ERC2: variants seen among roughly 807,000 people sequenced by gnomAD.
The protein encoded by ERC2 is ERC protein 2.
A neutral mutation model predicts 114.8 loss-of-function variants in ERC2; 42 were observed. The ratio of observed to expected loss-of-function variants is 0.37; its 90% CI spans 0.29 to 0.47. The LOEUF is 0.47. ERC2 is among the 20% of genes least tolerant of loss of function. ERC2 has a pLI of 0.99. For synonymous variants in ERC2, 454 were observed against 425.5 expected, an observed-to-expected ratio of 1.07 and a Z score of -0.82; for missense variants, 939 against 1,150.7, an observed-to-expected ratio of 0.82 and a Z score of 2.66.
chr3:55,630,968 A>G (rs576325052), intron 17 of ERC2, among the ~76,000 whole-genome samples: 3 of 151,648 alleles, frequency 2.0e-5, no homozygotes, highest in African/African-American at 7.3e-5. Flanking sequence ...AAAAAAAAAT[A>G]GATGGAAAGA....
chr3:56,123,007 A>G lies in ERC2; in HGVS notation c.1473+16502T>C, dbSNP rs2079666215. Among the ~76,000 whole-genome samples, 3 of 152,160 alleles carry G rather than the reference A, an allele frequency of 2.0e-5. No individual in the cohort carries two copies. The South Asian group carries it at 6.2e-4, about 32-fold the overall frequency. The stretch of plus-strand genomic sequence containing the variant: ...CAAAGCATAGTTGATGAACTTATCT[A>G]CCATTCAATACACATCTCTTATCTC... On this transcript the variant is annotated intron_variant, in intron 6 of 17. Coordinates refer to ENST00000288221, the MANE Select transcript of ERC2 (RefSeq NM_015576.3).
intron 17 of ERC2, among the ~76,000 whole-genome samples, chr3:55,532,265 G>T (rs1299474038): frequency 6.6e-6 from 1 of 152,192 alleles, no homozygotes; most frequent in Non-Finnish European, 1.5e-5. Flanking sequence ...GGGTTGAGCT[G>T]CTCAACGTTT....
intron 3 of ERC2, among the ~76,000 whole-genome samples, chr3:56,207,393 T>C (rs2048806247): frequency 1.3e-5 from 2 of 152,108 alleles, no homozygotes; most frequent in African/African-American, 4.8e-5. Context: ...TACCCATATA[T>C]TTATTTATTT....
chr3:55,663,618 C>A (rs993750134), intron 17 of ERC2, among the ~76,000 whole-genome samples: 2 of 152,196 alleles, frequency 1.3e-5, no homozygotes, highest in Non-Finnish European at 2.9e-5. Flanking sequence ...GTGGCCCCTT[C>A]CTTTCGGAGG....
chr3:55,673,722 C>T (rs960316289), intron 17 of ERC2, among the ~76,000 whole-genome samples: 1 of 151,842 alleles, frequency 6.6e-6, no homozygotes, highest in South Asian at 2.1e-4. Context: ...CAACACAAAA[C>T]AGCAGCCAGA....
intron 17 of ERC2, among the ~76,000 whole-genome samples, chr3:55,592,585 C>A (rs1478932062): frequency 6.6e-6 from 1 of 152,182 alleles, no homozygotes; most frequent in East Asian, 1.9e-4. Context: ...TTTTTCATCT[C>A]TCTTTGTCTT....
At chr3:56,356,230 G>A (rs1319407547) in intron 2 of ERC2, among the ~76,000 whole-genome samples, 1 of 152,094 alleles carries the variant, frequency 6.6e-6, no homozygotes, top group African/African-American at 2.4e-5. Context: ...GTTGTTTTTT[G>A]AAATGAAAAA....
chr3:56,281,162 G>T (rs1177859476), intron 3 of ERC2, among the ~76,000 whole-genome samples: 1 of 152,168 alleles, frequency 6.6e-6, no homozygotes, highest in Non-Finnish European at 1.5e-5. Flanking sequence ...GACAGGCCGG[G>T]CACGGTGGCT....
rs191911944 is a variant in ERC2 at position 55,608,536 on chromosome 3, C to G, written c.*39+75258G>C. 4.4e-4 allele frequency among the ~76,000 whole-genome samples: 67 copies of G among 152,258 alleles called. No homozygotes were observed. In the East Asian group the frequency reaches 0.013, roughly 29 times the overall value. On this transcript the variant is annotated intron_variant, in intron 17 of 17. Transcript: ENST00000288221. ...CTTTACAAAGGTTCCTATGATGCCG[C>G]GATCAGCCCCGGCACTACCTCATGC...
intron 12 of ERC2, among the ~76,000 whole-genome samples, chr3:55,977,814 A>G (rs2069712635): frequency 6.6e-6 from 1 of 152,232 alleles, no homozygotes; most frequent in Non-Finnish European, 1.5e-5. Context: ...AAGACTAGAA[A>G]CAACCTAAAA....
At chr3:56,162,281 G>A (rs1377305754) in intron 4 of ERC2, among the ~76,000 whole-genome samples, 1 of 152,130 alleles carries the variant, frequency 6.6e-6, no homozygotes, top group Non-Finnish European at 1.5e-5. Context: ...AATTTGGCTT[G>A]ATAGTATTTT....
At position 55,533,968 on chromosome 3, in the gene ERC2, T is replaced by C. The variant is rs540304128; in HGVS notation, c.*40-22692A>G. 7.2e-5 allele frequency among the ~76,000 whole-genome samples: 11 copies of C among 152,278 alleles called. No homozygotes were observed. In the South Asian group the frequency reaches 1.9e-3, roughly 26 times the overall value. On this transcript the variant is annotated intron_variant, in intron 17 of 17. Coordinates refer to ENST00000288221, the MANE Select transcript of ERC2 (RefSeq NM_015576.3). ...CTGGATAAGAATGCAGCCCCTACAATTGGACAGGTCAGGATGGAATCCCAG... is the reference window on the plus strand; with the variant it reads ...CTGGATAAGAATGCAGCCCCTACAACTGGACAGGTCAGGATGGAATCCCAG...
At chr3:56,422,096 C>T (rs1402650954) in intron 2 of ERC2, among the ~76,000 whole-genome samples, 1 of 152,082 alleles carries the variant, frequency 6.6e-6, no homozygotes, top group Non-Finnish European at 1.5e-5. Flanking sequence ...GGTCAGAAAC[C>T]AACTGAGGAG....
At chr3:56,411,288 C>T (rs1215963996) in intron 2 of ERC2, among the ~76,000 whole-genome samples, 1 of 151,616 alleles carries the variant, frequency 6.6e-6, no homozygotes, top group Admixed American at 6.6e-5. Flanking sequence ...ACGCCTCCTC[C>T]ATGAGCACAT....
intron 14 of ERC2, among the ~76,000 whole-genome samples, chr3:55,873,135 A>C (rs539907150): frequency 6.6e-6 from 1 of 152,166 alleles, no homozygotes; most frequent in Non-Finnish European, 1.5e-5. Context: ...ACATTTGCCA[A>C]AATAATTCCC....
At chr3:56,101,230 G>A (rs545349956) in intron 6 of ERC2, among the ~76,000 whole-genome samples, 23 of 152,218 alleles carry the variant, frequency 1.5e-4, no homozygotes, top group African/African-American at 4.6e-4. Context: ...CTGCACCTCC[G>A]TAACTCATAT....
At position 56,149,013 on chromosome 3, in the gene ERC2, C is replaced by T. The variant is rs900241869; in HGVS notation, c.1269G>A (p.Glu423=). ...TAAACTTGGAGTGACTTTTGTAAACCTCAATTTGTTTGATCTCTTCTTCGC... is the reference window on the plus strand; with the variant it reads ...TAAACTTGGAGTGACTTTTGTAAACTTCAATTTGTTTGATCTCTTCTTCGC... The part of the protein sequence containing the change: ...EDREEEIKQI[E]VYKSHSKFMK... The change falls in exon 5 of 18, where the codon GAG becomes GAA. Residue 423 remains glutamate, a synonymous_variant. Transcript: ENST00000288221. 7 of 1,613,230 alleles carry T rather than the reference C, an allele frequency of 4.3e-6. No individual in the cohort carries two copies. The African/African-American group carries it at 5.3e-5, about 12-fold the overall frequency.
At chr3:55,769,306 C>A (rs1175561538) in intron 14 of ERC2, among the ~76,000 whole-genome samples, 1 of 151,976 alleles carries the variant, frequency 6.6e-6, no homozygotes, top group African/African-American at 2.4e-5. Context: ...AGTTTGGGAG[C>A]TGATAGTGAA....
chr3:55,868,266 C>T (rs1423909433), intron 14 of ERC2, among the ~76,000 whole-genome samples: 1 of 152,226 alleles, frequency 6.6e-6, no homozygotes, highest in Non-Finnish European at 1.5e-5. Flanking sequence ...GCATCTACAA[C>T]AGGCAGGCTT....
Sources: gnomAD v4.1 joint callset for allele counts (sites outside exome capture counted in the v4.1 genomes callset) on GRCh38, gnomAD v4.1.1 for gene constraint, MANE v1.5 for transcripts, NCBI Gene and HGNC (gene_info 2026-07-23, HGNC 2026-07-21) for gene names.